The following GAA variants were observed in gnomAD, a reference collection of about 807,000 sequenced individuals.
GAA encodes alpha glucosidase, also known as lysosomal alpha-glucosidase.
In GAA, 88 loss-of-function variants were observed where a neutral mutation model predicts 103.9. The observed-to-expected ratio is 0.85, with a 90% confidence interval of 0.71 to 1.01. The LOEUF (loss-of-function observed/expected upper bound fraction) is 1.01, where lower values mean the gene tolerates loss of function less well. GAA is among the 50% of genes least tolerant of loss of function. The probability of loss-of-function intolerance (pLI) is 0.00; values close to 1 mark genes in which losing one functional copy is unlikely to be tolerated. For missense variants in GAA, 1,350 were observed against 1,305.3 expected, an observed-to-expected ratio of 1.03 and a Z score of -0.53; for synonymous variants, 572 against 563.1, an observed-to-expected ratio of 1.02 and a Z score of -0.22.
intron 15 of GAA, among the ~76,000 whole-genome samples, chr17:80,114,418 C>T (rs972372432): frequency 2.8e-5 from 4 of 144,914 alleles, no homozygotes; most frequent in Admixed American, 1.3e-4. Context: ...TCTGTCACTA[C>T]ACTTTTTTTT....
rs2304832 is a variant in GAA, at chr17:80,117,129, G to A, written c.2331+20G>A. The A allele has an allele frequency of 0.76, 1,216,711 of 1,609,616 alleles. 463,537 individuals are homozygous for A. The highest frequency in any genetic ancestry group is 0.95 in the African/African-American group (71,542 of 74,996). On this transcript the variant is annotated intron_variant, in intron 16 of 19. Transcript: ENST00000302262. Reference sequence around the variant, plus strand: ...CAGACGGTGAGTCTGGGGACCCTAAGCCCTGGGGAGACGGGAGACCAGAGC... The same window carrying A: ...CAGACGGTGAGTCTGGGGACCCTAAACCCTGGGGAGACGGGAGACCAGAGC...
In GAA at chr17:80,105,140, G is replaced by A. The variant is rs200107080; in HGVS notation, c.546+8G>A. 3 of 1,600,144 alleles carry A rather than the reference G, an allele frequency of 1.9e-6. No homozygotes were observed. The highest frequency in any genetic ancestry group is 4.5e-5 in the East Asian group (2 of 44,712). On this transcript the variant is annotated splice_region_variant and intron_variant, in intron 2 of 19. Coordinates refer to ENST00000302262, the MANE Select transcript of GAA (RefSeq NM_000152.5). ...AACCGCCTCCACTTCACGGTGGGCA[G>A]GGCAGGGGCGGGGGCGGCGGCCAGG...
Position 80,117,720 on chromosome 17 carries a change from C to T in GAA, c.2452C>T (p.Leu818Phe). Residue 818 changes from leucine (L) to phenylalanine (F), a missense_variant, in exon 17 of 20, where the codon CTC becomes TTC. Coordinates refer to ENST00000302262, the MANE Select transcript of GAA (RefSeq NM_000152.5). ...PAPLDTINVHLRAGYIIPLQG... is the reference protein window; with the variant it reads ...PAPLDTINVHFRAGYIIPLQG... ...CCCCCTGGACACCATCAACGTCCAC[C>T]TCCGGGCTGGGTACATCATCCCCCT... 6.2e-7 allele frequency: 1 copy of T among 1,611,698 alleles called. No homozygotes were observed. Among genetic ancestry groups the T allele is most frequent in the South Asian group, 1.1e-5 (1 of 90,934 alleles).
At chr17:80,113,536 C>T (rs139018985) in intron 15 of GAA, among the ~76,000 whole-genome samples, 170 bp downstream of exon 15, 60 of 152,270 alleles carry the variant, frequency 3.9e-4, no homozygotes, top group African/African-American at 1.4e-3. Flanking sequence ...CAAGAAAACC[C>T]AGTAATATCC....
chr17:80,113,092 T>G, intron 14 of GAA, 65 bp downstream of exon 14: 2 of 1,377,736 alleles, frequency 1.5e-6, no homozygotes, highest in Non-Finnish European at 2.0e-6. Flanking sequence ...CCCCTGGGAA[T>G]CCCACCCCTG....
At position 80,104,872 on chromosome 17, in the gene GAA, A is replaced by G. The variant is rs778816809; in HGVS notation, c.286A>G (p.Lys96Glu). The change falls in exon 2 of 20, where the codon AAG becomes GAG. Residue 96 changes from lysine to glutamate, a missense_variant. Transcript: ENST00000302262. The surrounding 1 kb of genome is among the most constrained non-coding windows in gnomAD (Gnocchi z 4.0). Reference sequence around the variant, plus strand: ...CAGCCGCTTCGATTGCGCCCCTGACAAGGCCATCACCCAGGAACAGTGCGA... The same window carrying G: ...CAGCCGCTTCGATTGCGCCCCTGACGAGGCCATCACCCAGGAACAGTGCGA... The part of the protein sequence containing the change: ...PNSRFDCAPD[K>E]AITQEQCEAR... 19 of 1,612,964 alleles carry G rather than the reference A, an allele frequency of 1.2e-5. No individual in the cohort carries two copies. In the Middle Eastern group the frequency reaches 5.0e-4, roughly 42 times the overall value.
chr17:80,118,977 C>T (rs2039423237), intron 19 of GAA, among the ~76,000 whole-genome samples, 172 bp downstream of exon 19: 3 of 152,240 alleles, frequency 2.0e-5, no homozygotes, highest in African/African-American at 7.2e-5. Flanking sequence ...TGCCTTTCCT[C>T]CTCCTGTGTC....
chr17:80,112,622 G>A lies in GAA; in HGVS notation c.1799G>A (p.Arg600His), dbSNP rs377544304. 14 of 1,613,004 alleles carry A rather than the reference G, an allele frequency of 8.7e-6. No individual in the cohort carries two copies. Among genetic ancestry groups the A allele is most frequent in the Admixed American group, 1.7e-5 (1 of 60,024 alleles). Reference protein sequence around the residue: ...ARGTRPFVISRSTFAGHGRYA... With the variant: ...ARGTRPFVISHSTFAGHGRYA... Reference sequence around the variant, plus strand: ...GGGACACGCCCATTTGTGATCTCCCGCTCGACCTTTGCTGGCCACGGCCGA... The same window carrying A: ...GGGACACGCCCATTTGTGATCTCCCACTCGACCTTTGCTGGCCACGGCCGA... Residue 600 changes from arginine (R) to histidine (H), a missense_variant, in exon 13 of 20, where the codon CGC becomes CAC. Physicochemically the swap from Arg to His is conservative, Grantham distance 29. Transcript: ENST00000302262.
At chr17:80,108,013 A>C in intron 5 of GAA, 117 bp downstream of exon 5, 1 of 1,117,258 alleles carries the variant, frequency 9.0e-7, no homozygotes, top group Non-Finnish European at 1.3e-6. Context: ...GTTTTCTGGG[A>C]AATGAGTCCT....
rs772883420 is a variant in GAA at position 80,110,730 on chromosome 17, T to C, written c.1441T>C (p.Trp481Arg). ...ACTGCAGCCTCTCGTTGTCCAGGTA[T>C]GGCCCGGGTCCACTGCCTTCCCCGA... ...ETGQPLIGKV[W>R]PGSTAFPDFT... The change falls in exon 10 of 20, where the codon TGG (tryptophan) becomes CGG (arginine). Residue 481 changes from tryptophan to arginine, a missense_variant. Coordinates refer to ENST00000302262, the MANE Select transcript of GAA (RefSeq NM_000152.5). 7.4e-5 allele frequency: 119 copies of C among 1,613,746 alleles called. No individual in the cohort carries two copies. The highest frequency in any genetic ancestry group is 9.7e-5 in the Non-Finnish European group (114 of 1,179,946).
Position 80,107,600 on chromosome 17 carries a change from C to T in GAA, c.736C>T (p.Leu246Phe), listed in dbSNP as rs200381374. 1 of 1,613,264 alleles carries T rather than the reference C, an allele frequency of 6.2e-7. No homozygotes were observed. Among genetic ancestry groups the T allele is most frequent in the African/African-American group, 1.3e-5 (1 of 75,040 alleles). Residue 246 changes from leucine to phenylalanine, a missense_variant, in exon 4 of 20, where the codon CTT becomes TTT. Physicochemically the swap from Leu to Phe is conservative, Grantham distance 22 (BLOSUM62 0). Transcript: ENST00000302262. ...VAPLFFADQF[L>F]QLSTSLPSQY... ...GCCCCTGTTCTTTGCGGACCAGTTC[C>T]TTCAGCTGTCCACCTCGCTGCCCTC... is the stretch of plus-strand genomic sequence containing the variant.
chr17:80,118,750 A>G lies in GAA; in HGVS notation c.2744A>G (p.Gln915Arg), dbSNP rs1555603272. ...CTGGGCGTGGCCACGGCGCCCCAGC[A>G]GGTCCTCTCCAACGGTGTCCCTGTC... is the stretch of plus-strand genomic sequence containing the variant. Reference protein sequence around the residue: ...TVLGVATAPQQVLSNGVPVSN... With the variant: ...TVLGVATAPQRVLSNGVPVSN... Residue 915 changes from glutamine (Q) to arginine (R), a missense_variant, in exon 19 of 20, where the codon CAG (glutamine) becomes CGG (arginine). Transcript: ENST00000302262. The G allele has an allele frequency of 1.2e-6, 2 of 1,613,554 alleles. No homozygotes were observed. The highest frequency in any genetic ancestry group is 1.7e-6 in the Non-Finnish European group (2 of 1,180,022).
In GAA at chr17:80,117,676, A is replaced by G. The variant is rs142487534; in HGVS notation, c.2408A>G (p.Gln803Arg). Residue 803 changes from glutamine (Q) to arginine (R), a missense_variant, in exon 17 of 20, where the codon CAG (glutamine) becomes CGG (arginine). Gln to Arg is a conservative substitution (Grantham distance 43). Transcript: ENST00000302262. Reference protein sequence around the residue: ...PREPAIHSEGQWVTLPAPLDT... With the variant: ...PREPAIHSEGRWVTLPAPLDT... Reference sequence around the variant, plus strand: ...GAGCCAGCCATCCACAGCGAGGGGCAGTGGGTGACGCTGCCGGCCCCCCTG... The same window carrying G: ...GAGCCAGCCATCCACAGCGAGGGGCGGTGGGTGACGCTGCCGGCCCCCCTG... The G allele has an allele frequency of 5.8e-5, 93 of 1,612,530 alleles. No individual in the cohort carries two copies. In the Middle Eastern group the frequency reaches 2.3e-3, roughly 40 times the overall value.
chr17:80,109,765 C>T (rs1414493772), intron 8 of GAA, among the ~76,000 whole-genome samples, 180 bp from the exon 9 acceptor site: 6 of 152,194 alleles, frequency 3.9e-5, no homozygotes, highest in Middle Eastern at 3.2e-3. Flanking sequence ...GGTCCTGACT[C>T]GCCCGGCCCT....
In GAA at chr17:80,111,304, G is replaced by A. The variant is rs531133091; in HGVS notation, c.1636+279G>A. ...TCGACTCAGAGCCGTCTCGATAGGC[G>A]CAGGGACCATGCAGCGGAGACCTAC... On this transcript the variant is annotated intron_variant, in intron 11 of 19. Transcript: ENST00000302262. Among the ~76,000 whole-genome samples the A allele has an allele frequency of 5.2e-5, 8 of 152,382 alleles. No individual in the cohort carries two copies. The South Asian group carries it at 1.0e-3, about 20-fold the overall frequency.
At chr17:80,112,206 AC>A (rs1319059450) in intron 12 of GAA, 106 bp downstream of exon 12, 1 of 1,164,008 alleles carries the variant, frequency 8.6e-7, no homozygotes, top group African/African-American at 1.5e-5. Context: ...GGCCCAGACC[AC>A]CCGGGGCCCG....
At chr17:80,105,563 G>C (rs917327001) in intron 2 of GAA, among the ~76,000 whole-genome samples, 186 bp from the exon 3 acceptor site, 1 of 152,162 alleles carries the variant, frequency 6.6e-6, no homozygotes, top group Non-Finnish European at 1.5e-5. Flanking sequence ...CCTCCATCCT[G>C]GGGGAGGCGT....
chr17:80,119,298 G>A lies in GAA; in HGVS notation c.2826G>A (p.Leu942=), dbSNP rs866970316. 7 of 1,614,108 alleles carry A rather than the reference G, an allele frequency of 4.3e-6. No individual in the cohort carries two copies. Among genetic ancestry groups the A allele is most frequent in the Middle Eastern group, 3.3e-4 (2 of 6,062 alleles). Residue 942 remains leucine, a synonymous_variant, in exon 20 of 20, where the codon TTG becomes TTA. Transcript: ENST00000302262. ...TKVLDICVSL[L]MGEQFLVSWC Reference sequence around the variant, plus strand: ...TCCTGGACATCTGTGTCTCGCTGTTGATGGGAGAGCAGTTTCTCGTCAGCT... The same window carrying A: ...TCCTGGACATCTGTGTCTCGCTGTTAATGGGAGAGCAGTTTCTCGTCAGCT...
At chr17:80,112,742 A>G (rs775915446) in intron 13 of GAA, 31 bp downstream of exon 13, 3 of 1,594,378 alleles carry the variant, frequency 1.9e-6, no homozygotes, top group Non-Finnish European at 2.6e-6. Flanking sequence ...GCTGCTCAGC[A>G]GAGTAGAGCC....
Sources: allele counts gnomAD v4.1 joint callset (sites outside exome capture counted in the v4.1 genomes callset), GRCh38; gene constraint gnomAD v4.1.1; non-coding constraint Gnocchi (gnomAD v3.1); transcripts MANE v1.5; gene names NCBI Gene and HGNC (gene_info 2026-07-23, HGNC 2026-07-21).